CAPN3: variants seen among roughly 807,000 people sequenced by gnomAD.
CAPN3 encodes calpain-3.
CAPN3 carries 88 observed loss-of-function variants against 114.0 expected under a neutral mutation model. The ratio of observed to expected loss-of-function variants is 0.77; its 90% CI spans 0.65 to 0.92. The LOEUF (loss-of-function observed/expected upper bound fraction) is 0.92. CAPN3 is among the 40% of genes least tolerant of loss of function. The pLI, the probability that CAPN3 is intolerant of heterozygous loss-of-function variation, is 0.00. For synonymous variants in CAPN3, 386 were observed against 382.9 expected (o/e 1.01, Z -0.09); for missense variants, 1,028 against 1,069.0 (o/e 0.96, Z 0.53).
intron 7 of CAPN3, among the ~76,000 whole-genome samples, chr15:42,393,628 C>G (rs2053615367): frequency 6.9e-6 from 1 of 144,064 alleles, no homozygotes; most frequent in South Asian, 2.2e-4. Context: ...GAGTCTCACT[C>G]TGTTGCCCAG....
At chr15:42,379,287 G>T (rs2053175723) in intron 1 of CAPN3, among the ~76,000 whole-genome samples, 1 of 151,978 alleles carries the variant, frequency 6.6e-6, no homozygotes, top group Non-Finnish European at 1.5e-5. Context: ...CTCCAGCCTG[G>T]GTGACAGAGA....
intron 1 of CAPN3, among the ~76,000 whole-genome samples, chr15:42,363,302 C>T (rs1259961721): frequency 6.6e-6 from 1 of 152,192 alleles, no homozygotes; most frequent in African/African-American, 2.4e-5. Flanking sequence ...TTATTCAACA[C>T]TTCTCAACTG....
chr15:42,389,129 G>A, intron 5 of CAPN3, 33 bp downstream of exon 5: 1 of 1,607,350 alleles, frequency 6.2e-7, no homozygotes, highest in Non-Finnish European at 8.5e-7. Context: ...AGGGTGGGGA[G>A]CTCCAAGTGT....
intron 1 of CAPN3, among the ~76,000 whole-genome samples, chr15:42,369,571 C>T (rs2052882059): frequency 6.6e-6 from 1 of 152,058 alleles, no homozygotes; most frequent in Non-Finnish European, 1.5e-5. Flanking sequence ...TGCAGTCATT[C>T]TTCTTTTTCA....
intron 23 of CAPN3, 31 bp downstream of exon 23, chr15:42,411,376 C>T (rs1344138310): frequency 1.2e-6 from 2 of 1,602,490 alleles, no homozygotes; most frequent in Non-Finnish European, 1.7e-6. Flanking sequence ...ATTCCCCCTA[C>T]ACATTAAAAC....
At chr15:42,378,147 G>A (rs2053138902) in intron 1 of CAPN3, among the ~76,000 whole-genome samples, 2 of 152,202 alleles carry the variant, frequency 1.3e-5, no homozygotes, top group African/African-American at 2.4e-5. Flanking sequence ...CAGCAGCCAC[G>A]GCCCTGACTA....
At position 42,402,783 on chromosome 15, in the gene CAPN3, C is replaced by G. The variant is rs774295060; in HGVS notation, c.1537-11C>G. 4 of 1,613,678 alleles carry G rather than the reference C, an allele frequency of 2.5e-6. No individual in the cohort carries two copies. Among genetic ancestry groups the G allele is most frequent in the Non-Finnish European group, 3.4e-6 (4 of 1,179,720 alleles). On this transcript the variant is annotated splice_polypyrimidine_tract_variant and intron_variant, in intron 12 of 23. Coordinates refer to ENST00000397163, the MANE Select transcript of CAPN3 (RefSeq NM_000070.3). ...GGGGCTCATGTGCCCTGGGCTCTCC[C>G]CATCTCTCAGATGCACGGGAACAAG... is the stretch of plus-strand genomic sequence containing the variant.
At chr15:42,365,545 G>A (rs1298018384) in intron 1 of CAPN3, among the ~76,000 whole-genome samples, 1 of 152,090 alleles carries the variant, frequency 6.6e-6, no homozygotes, top group African/African-American at 2.4e-5. Context: ...CTCACTTGCT[G>A]ATGGTGGCTG....
In CAPN3 at chr15:42,402,826, C is replaced by G; in HGVS notation, c.1569C>G (p.Asp523Glu). 1.2e-6 allele frequency: 2 copies of G among 1,614,186 alleles called. No homozygotes were observed. The highest frequency in any genetic ancestry group is 1.7e-6 in the Non-Finnish European group (2 of 1,180,020). ...GGAACAAGCAGCACCTGCAGAAGGA[C>G]TTCTTCCTGTACAACGCCTCCAAGG... is the stretch of plus-strand genomic sequence containing the variant. The part of the protein sequence containing the change: ...MHGNKQHLQK[D>E]FFLYNASKAR... Residue 523 changes from aspartate to glutamate, a missense_variant, in exon 13 of 24, where the codon GAC becomes GAG. Asp to Glu is a conservative substitution (Grantham distance 45, BLOSUM62 2). Coordinates refer to ENST00000397163, the MANE Select transcript of CAPN3 (RefSeq NM_000070.3).
Position 42,386,280 on chromosome 15 carries a change from T to A in CAPN3, c.493T>A (p.Phe165Ile). 6.2e-7 allele frequency: 1 copy of A among 1,607,432 alleles called. No individual in the cohort carries two copies. Among genetic ancestry groups the A allele is most frequent in the Non-Finnish European group, 8.5e-7 (1 of 1,173,914 alleles). Reference sequence around the variant, plus strand: ...CGAAAACTACGCAGGGATCTTCCACTTCCAGGTGAGGTAATGAGAGTGTAG... The same window carrying A: ...CGAAAACTACGCAGGGATCTTCCACATCCAGGTGAGGTAATGAGAGTGTAG... Reference protein sequence around the residue: ...FIENYAGIFHFQFWRYGEWVD... With the variant: ...FIENYAGIFHIQFWRYGEWVD... Residue 165 changes from phenylalanine to isoleucine, a missense_variant, in exon 3 of 24, where the codon TTC (phenylalanine) becomes ATC (isoleucine). Transcript: ENST00000397163.
At chr15:42,366,380 C>G (rs1254920537) in intron 1 of CAPN3, among the ~76,000 whole-genome samples, 2 of 152,118 alleles carry the variant, frequency 1.3e-5, no homozygotes, top group East Asian at 3.8e-4. Context: ...TCCCAAGGTC[C>G]TCATCATCCA....
intron 1 of CAPN3, among the ~76,000 whole-genome samples, chr15:42,363,404 G>A (rs1207793694): frequency 6.6e-6 from 1 of 152,202 alleles, no homozygotes; most frequent in Non-Finnish European, 1.5e-5. Flanking sequence ...AATATACTAG[G>A]GATAGGTTGG....
At position 42,409,303 on chromosome 15, in the gene CAPN3, C is replaced by A. The variant is rs758654496; in HGVS notation, c.1915C>A (p.Pro639Thr). 8 of 1,613,990 alleles carry A rather than the reference C, an allele frequency of 5.0e-6. No homozygotes were observed. Among genetic ancestry groups the A allele is most frequent in the Non-Finnish European group, 6.8e-6 (8 of 1,179,976 alleles). The change falls in exon 17 of 24, where the codon CCA (proline) becomes ACA (threonine). Residue 639 changes from proline (P) to threonine (T), a missense_variant and splice_region_variant. Pro to Thr is a conservative substitution (Grantham distance 38). Coordinates refer to ENST00000397163, the MANE Select transcript of CAPN3 (RefSeq NM_000070.3). ...CCAGTTTTCCTTTGTGCCTCCACAG[C>A]CACAGCCTGGCAGCTCTGATCAGGA... is the stretch of plus-strand genomic sequence containing the variant. ...SPDKQKQSPQ[P>T]QPGSSDQESE...
Position 42,412,304 on chromosome 15 carries a change from G to A in CAPN3, c.*531G>A. ...AAAAAGCTGATCTAAATAAAGGCAT[G>A]TGTATGGCTGGTCCCCTTGTGTTTT... On this transcript the variant is annotated 3_prime_UTR_variant, in exon 24 of 24. Transcript: ENST00000397163. 3 of 879,874 alleles carry A rather than the reference G, an allele frequency of 3.4e-6. No homozygotes were observed. The highest frequency in any genetic ancestry group is 2.2e-4 in the Middle Eastern group (1 of 4,452). 54.5% of individuals were successfully genotyped at this position (879,874 alleles called of 1,614,324 possible).
intron 22 of CAPN3, 90 bp from the exon 23 acceptor site, chr15:42,411,197 C>A (rs2054214755): frequency 1.8e-6 from 2 of 1,132,460 alleles, no homozygotes; most frequent in South Asian, 1.2e-5. Context: ...TGAGGGACAG[C>A]ACTGGGCACA....
At chr15:42,386,141 G>T (rs548911867) in intron 2 of CAPN3, 26 bp from the exon 3 acceptor site, 1 of 1,531,690 alleles carries the variant, frequency 6.5e-7, no homozygotes, top group Non-Finnish European at 9.0e-7. Flanking sequence ...GAGTGCTCAC[G>T]ATCTGTGCCC....
chr15:42,389,822 G>T (rs918629110), intron 5 of CAPN3, 131 bp from the exon 6 acceptor site: 2 of 974,258 alleles, frequency 2.1e-6, no homozygotes, highest in Non-Finnish European at 3.2e-6. Context: ...TCCTCCATTC[G>T]TGCTCTGTTG....
At chr15:42,396,758 T>C in intron 8 of CAPN3, 42 bp from the exon 9 acceptor site, 1 of 1,499,692 alleles carries the variant, frequency 6.7e-7, no homozygotes, top group Non-Finnish European at 9.3e-7. Context: ...CATCAGGCCT[T>C]CCCTTCTTCC....
chr15:42,409,883 G>GGGGGGGGGGGGCCCCC, intron 18 of CAPN3, 39 bp downstream of exon 18: 1 of 559,658 alleles, frequency 1.8e-6, no homozygotes, highest in Non-Finnish European at 3.5e-6. Context: ...GGTGGGTGGG[G>GGGGGGGGGGGGCCCCC]AGTCCCGTTG....
Sources: gnomAD v4.1 joint callset for allele counts (sites outside exome capture counted in the v4.1 genomes callset) on GRCh38, gnomAD v4.1.1 for gene constraint, MANE v1.5 for transcripts, NCBI Gene and HGNC (gene_info 2026-07-23, HGNC 2026-07-21) for gene names.